Variants in RIMS1 observed in about 807,000 individuals in gnomAD.
The protein encoded by RIMS1 is regulating synaptic membrane exocytosis protein 1.
RIMS1 carries 83 observed loss-of-function variants against 214.1 expected under a neutral mutation model. That is an observed-to-expected ratio of 0.39 (90% CI 0.32 to 0.47). The LOEUF (loss-of-function observed/expected upper bound fraction) is 0.47. Among genes scored for constraint, RIMS1 ranks in the 20% least tolerant of loss-of-function variants. The pLI is 0.99. For missense variants in RIMS1, 2,050 were observed against 2,161.8 expected, an observed-to-expected ratio of 0.95 and a Z score of 1.03; for synonymous variants, 793 against 786.8, an observed-to-expected ratio of 1.01 and a Z score of -0.13.
At chr6:72,072,579 T>C (rs960237825) in intron 2 of RIMS1, among the ~76,000 whole-genome samples, 2 of 152,018 alleles carry the variant, frequency 1.3e-5, no homozygotes, top group Non-Finnish European at 2.9e-5. Context: ...GGAAGAAAAA[T>C]GCTTGCTAGA....
intron 29 of RIMS1, among the ~76,000 whole-genome samples, chr6:72,371,714 C>G (rs532158225): frequency 6.6e-6 from 1 of 152,242 alleles, no homozygotes; most frequent in Non-Finnish European, 1.5e-5. Flanking sequence ...AGGCAATGGG[C>G]AGGACCCAAC....
chr6:72,079,447 T>G (rs1187296182), intron 2 of RIMS1, among the ~76,000 whole-genome samples: 1 of 152,124 alleles, frequency 6.6e-6, no homozygotes, highest in Non-Finnish European at 1.5e-5. Flanking sequence ...TGAGATAATA[T>G]ATTATCATAC....
rs1366597803 is a variant in RIMS1 at position 72,179,705 on chromosome 6, G to T, written c.602G>T (p.Gly201Val). The T allele has an allele frequency of 1.2e-6, 2 of 1,613,906 alleles. No homozygotes were observed. The highest frequency in any genetic ancestry group is 1.7e-6 in the Non-Finnish European group (2 of 1,179,888). The change falls in exon 5 of 34, where the codon GGC becomes GTC. Residue 201 changes from glycine (G) to valine (V), a missense_variant. Physicochemically the swap from Gly to Val is moderately radical, Grantham distance 109. This residue lies in a region of RIMS1 where 882 missense variants were observed against 828.9 expected (regional missense o/e 1.06). Transcript: ENST00000521978. ...CTGAGTGATACAGCTACAGGTGCTG[G>T]CTCTGAGGTACCAAGAGAAAAGAAA... Reference protein sequence around the residue: ...GTLSDTATGAGSEVPREKKAR... With the variant: ...GTLSDTATGAVSEVPREKKAR...
At position 71,886,761 on chromosome 6, in the gene RIMS1, C is replaced by G. The variant is rs1349742185; in HGVS notation, c.-263C>G. 1 of 289,676 alleles carries G rather than the reference C, an allele frequency of 3.5e-6. No homozygotes were observed. Among genetic ancestry groups the G allele is most frequent in the Non-Finnish European group, 6.4e-6 (1 of 156,940 alleles). 17.9% of individuals were successfully genotyped at this position (289,676 alleles called of 1,614,324 possible). A position where few individuals can be genotyped will look rare whatever the true frequency, so the allele number is the denominator to read the frequency against. ...CCGGCCGAGGCTGGGCTGCGGGAGGCGGCCGGGCGGCCCCGAGCTTCGCTA... is the reference window on the plus strand; with the variant it reads ...CCGGCCGAGGCTGGGCTGCGGGAGGGGGCCGGGCGGCCCCGAGCTTCGCTA... On this transcript the variant is annotated 5_prime_UTR_variant, in exon 1 of 34. Coordinates refer to ENST00000521978, the MANE Select transcript of RIMS1 (RefSeq NM_014989.7).
intron 1 of RIMS1, among the ~76,000 whole-genome samples, chr6:71,905,095 C>A (rs1385818460): frequency 1.3e-5 from 2 of 152,092 alleles, no homozygotes; most frequent in East Asian, 3.9e-4. Context: ...TTCCCTCCTC[C>A]CATTTAAGCC....
At position 72,103,895 on chromosome 6, in the gene RIMS1, A is replaced by G. The variant is rs1202835475; in HGVS notation, c.471+3909A>G. Among the ~76,000 whole-genome samples the G allele has an allele frequency of 2.6e-5, 4 of 152,186 alleles. No individual in the cohort carries two copies. The East Asian group carries it at 5.8e-4, about 22-fold the overall frequency. ...CATAAAACTTTTTTTAGCCAAAATT[A>G]TCAAACTTGTTTGATATCTCCAATG... On this transcript the variant is annotated intron_variant, in intron 4 of 33. Transcript: ENST00000521978.
intron 23 of RIMS1, 136 bp from the exon 24 acceptor site, chr6:72,283,911 G>T: frequency 2.3e-5 from 14 of 604,784 alleles, no homozygotes; most frequent in South Asian, 8.4e-5. Flanking sequence ...TGTTTATTTA[G>T]TTTTGAAAAG....
chr6:72,148,147 G>T (rs1254277075), intron 4 of RIMS1, among the ~76,000 whole-genome samples: 2 of 152,168 alleles, frequency 1.3e-5, no homozygotes, highest in Admixed American at 1.3e-4. Context: ...TCCAGTTTGG[G>T]GGATTCATCT....
At chr6:72,265,814 C>G (rs1379246332) in intron 21 of RIMS1, 146 bp from the exon 22 acceptor site, 3 of 629,350 alleles carry the variant, frequency 4.8e-6, no homozygotes, top group Non-Finnish European at 8.3e-6. Context: ...TGTCAACTCT[C>G]TCACACCCTT....
chr6:71,959,973 G>A (rs1283671030), intron 1 of RIMS1, among the ~76,000 whole-genome samples: 1 of 152,120 alleles, frequency 6.6e-6, no homozygotes, highest in Non-Finnish European at 1.5e-5. Context: ...GGGATTCGGA[G>A]CATGGTTCCA....
intron 2 of RIMS1, among the ~76,000 whole-genome samples, chr6:72,032,148 GTGTT>G (rs1484296449): frequency 1.3e-5 from 2 of 152,036 alleles, no homozygotes; most frequent in South Asian, 2.1e-4. Context: ...GTAGGGGTGT[GTGTT>G]TGTGGGGAGG....
chr6:72,396,154 A>G (rs1233006177), intron 31 of RIMS1, among the ~76,000 whole-genome samples: 1 of 152,134 alleles, frequency 6.6e-6, no homozygotes, highest in Non-Finnish European at 1.5e-5. Flanking sequence ...ATAAAAAAGA[A>G]AAAATGACCA....
At chr6:72,372,854 A>T (rs2098262598) in intron 29 of RIMS1, among the ~76,000 whole-genome samples, 1 of 152,216 alleles carries the variant, frequency 6.6e-6, no homozygotes, top group African/African-American at 2.4e-5. Flanking sequence ...TGGAGGTTGG[A>T]CTTGGCCTGT....
In RIMS1 at chr6:72,245,810, T is replaced by A. The variant is rs531062294; in HGVS notation, c.2082-5T>A. On this transcript the variant is annotated splice_region_variant and splice_polypyrimidine_tract_variant and intron_variant, in intron 10 of 33. Transcript: ENST00000521978. Reference sequence around the variant, plus strand: ...GGGATTTTCACCATATCCTGTTTCTTTTAGTGACATTCCCCGGATTCCTGA... The same window carrying A: ...GGGATTTTCACCATATCCTGTTTCTATTAGTGACATTCCCCGGATTCCTGA... The A allele has an allele frequency of 6.2e-7, 1 of 1,607,882 alleles. No homozygotes were observed. Among genetic ancestry groups the A allele is most frequent in the African/African-American group, 1.3e-5 (1 of 74,872 alleles).
chr6:72,244,640 T>C (rs979231901), intron 10 of RIMS1, among the ~76,000 whole-genome samples: 2 of 151,820 alleles, frequency 1.3e-5, no homozygotes, highest in African/African-American at 4.8e-5. Context: ...AATTAGTCTT[T>C]TAATTCATTC....
intron 4 of RIMS1, among the ~76,000 whole-genome samples, chr6:72,137,996 CA>C (rs2041576777): frequency 6.6e-6 from 1 of 151,902 alleles, no homozygotes; most frequent in African/African-American, 2.4e-5. Flanking sequence ...TTGGCCTCCC[CA>C]AGTGCTGAGA....
intron 6 of RIMS1, among the ~76,000 whole-genome samples, chr6:72,210,166 T>G (rs1005893327): frequency 6.6e-5 from 10 of 152,168 alleles, no homozygotes; most frequent in Admixed American, 1.3e-4. Context: ...TGAAATGGGA[T>G]CCAATACTTC....
intron 8 of RIMS1, among the ~76,000 whole-genome samples, chr6:72,236,911 A>T (rs1236575749): frequency 6.6e-6 from 1 of 152,024 alleles, no homozygotes; most frequent in African/African-American, 2.4e-5. Flanking sequence ...TTAAGAAATC[A>T]CTACAGCCTG....
intron 4 of RIMS1, among the ~76,000 whole-genome samples, chr6:72,159,873 G>A (rs2045067011): frequency 1.4e-5 from 2 of 139,924 alleles, no homozygotes; most frequent in African/African-American, 2.5e-5. Context: ...GGCAATGCGG[G>A]CTCTTTTTTG....
Sources: gnomAD v4.1 joint callset for allele counts (sites outside exome capture counted in the v4.1 genomes callset) on GRCh38, gnomAD v4.1.1 for gene constraint, gnomAD v4.1.1 regional missense constraint, MANE v1.5 for transcripts, NCBI Gene and HGNC (gene_info 2026-07-23, HGNC 2026-07-21) for gene names.